Variants in PCSK5 observed in about 807,000 individuals in gnomAD.
The protein encoded by PCSK5 is proprotein convertase subtilisin/kexin type 5, also known as prohormone convertase 5.
Under a neutral mutation model 233.2 loss-of-function variants are expected in PCSK5, and 129 were observed. The ratio of observed to expected loss-of-function variants is 0.55; its 90% CI spans 0.48 to 0.64. The LOEUF (loss-of-function observed/expected upper bound fraction) is 0.64, where lower values mean the gene tolerates loss of function less well. PCSK5 is among the 30% of genes least tolerant of loss of function. The probability of loss-of-function intolerance (pLI) is 0.00; values close to 1 mark genes in which losing one functional copy is unlikely to be tolerated. For missense variants in PCSK5, 2,076 were observed against 2,430.1 expected, an observed-to-expected ratio of 0.85 and a Z score of 3.06; for synonymous variants, 825 against 879.2, an observed-to-expected ratio of 0.94 and a Z score of 1.09.
intron 1 of PCSK5, among the ~76,000 whole-genome samples, chr9:75,929,800 G>C (rs1179306963): frequency 6.6e-6 from 1 of 151,848 alleles, no homozygotes; most frequent in Non-Finnish European, 1.5e-5. Flanking sequence ...CATGACAGCA[G>C]ACAAGAGAAG....
At chr9:76,064,651 A>T (rs1176080880) in intron 5 of PCSK5, among the ~76,000 whole-genome samples, 1 of 144,338 alleles carries the variant, frequency 6.9e-6, no homozygotes, top group Non-Finnish European at 1.5e-5. Context: ...CTCACTTCTC[A>T]GACGGGGTGG....
chr9:76,220,856 C>G (rs1021603214), intron 20 of PCSK5, among the ~76,000 whole-genome samples: 3 of 152,080 alleles, frequency 2.0e-5, no homozygotes, highest in Non-Finnish European at 4.4e-5. Flanking sequence ...ATAAATCTCT[C>G]GAACTTATCC....
intron 9 of PCSK5, among the ~76,000 whole-genome samples, chr9:76,123,432 A>G (rs1366745529): frequency 6.6e-6 from 1 of 152,216 alleles, no homozygotes; most frequent in African/African-American, 2.4e-5. Flanking sequence ...GTTTTGTAAT[A>G]GAAGAGTTAT....
intron 30 of PCSK5, among the ~76,000 whole-genome samples, chr9:76,312,123 G>C (rs1158923352): frequency 6.6e-6 from 1 of 152,172 alleles, no homozygotes; most frequent in African/African-American, 2.4e-5. Flanking sequence ...AGAGAGGGAG[G>C]CAGGAAATAA....
chr9:76,168,142 C>T (rs1176699625), intron 12 of PCSK5, among the ~76,000 whole-genome samples: 2 of 152,070 alleles, frequency 1.3e-5, no homozygotes, highest in Non-Finnish European at 2.9e-5. Context: ...ATGCTATATA[C>T]CTGCATAAGT....
At chr9:76,177,964 A>C (rs1242848030) in intron 14 of PCSK5, among the ~76,000 whole-genome samples, 1 of 146,998 alleles carries the variant, frequency 6.8e-6, no homozygotes, top group Non-Finnish European at 1.5e-5. Flanking sequence ...TTTTTTTTTT[A>C]ATTCTAGAAG....
intron 24 of PCSK5, among the ~76,000 whole-genome samples, chr9:76,248,780 C>A (rs140743847): frequency 1.3e-3 from 197 of 152,182 alleles, no homozygotes; most frequent in Non-Finnish European, 2.0e-3. Flanking sequence ...ACCTCATATT[C>A]TTTTTGTTTT....
At chr9:76,162,429 T>G (rs1427043083) in intron 12 of PCSK5, among the ~76,000 whole-genome samples, 2 of 152,046 alleles carry the variant, frequency 1.3e-5, no homozygotes, top group African/African-American at 4.8e-5. Flanking sequence ...ATTCCCAGAA[T>G]GGAGAGCTGG....
intron 24 of PCSK5, among the ~76,000 whole-genome samples, chr9:76,247,020 A>G (rs1320196972): frequency 6.6e-6 from 1 of 152,222 alleles, no homozygotes; most frequent in Non-Finnish European, 1.5e-5. Context: ...CTCTATTAGA[A>G]GCTGTGGGTC....
intron 20 of PCSK5, among the ~76,000 whole-genome samples, chr9:76,207,752 G>A (rs1297279785): frequency 6.6e-6 from 1 of 152,184 alleles, no homozygotes; most frequent in Admixed American, 6.5e-5. Context: ...GATAGAGCTG[G>A]AGATAGGAGG....
intron 2 of PCSK5, among the ~76,000 whole-genome samples, chr9:75,962,697 T>C (rs1330582314): frequency 2.6e-5 from 4 of 152,220 alleles, no homozygotes; most frequent in African/African-American, 9.6e-5. Context: ...CCAGCATTTG[T>C]GATGGGCACA....
intron 13 of PCSK5, among the ~76,000 whole-genome samples, chr9:76,174,371 A>C (rs1823477644): frequency 6.6e-6 from 1 of 150,594 alleles, no homozygotes; most frequent in Non-Finnish European, 1.5e-5. Context: ...CAGTGGCGTG[A>C]TCTCCGCTCT....
chr9:76,270,151 C>A (rs779901999), intron 24 of PCSK5, among the ~76,000 whole-genome samples: 2 of 151,810 alleles, frequency 1.3e-5, no homozygotes, highest in Non-Finnish European at 2.9e-5. Flanking sequence ...ACCAGCAATT[C>A]GGGCAAAAAT....
At chr9:76,012,099 A>G (rs1204802092) in intron 3 of PCSK5, among the ~76,000 whole-genome samples, 1 of 152,214 alleles carries the variant, frequency 6.6e-6, no homozygotes, top group African/African-American at 2.4e-5. Context: ...GGCATTGAAT[A>G]AGCACGGTTG....
chr9:76,037,284 G>A (rs1295766419), intron 5 of PCSK5, among the ~76,000 whole-genome samples: 1 of 152,196 alleles, frequency 6.6e-6, no homozygotes, highest in Non-Finnish European at 1.5e-5. Context: ...GTCTGTTGGA[G>A]AATGTCTCAG....
intron 2 of PCSK5, among the ~76,000 whole-genome samples, chr9:75,983,279 T>A (rs1011688389): frequency 1.3e-5 from 2 of 152,216 alleles, no homozygotes; most frequent in African/African-American, 4.8e-5. Flanking sequence ...ATAATTTATA[T>A]GCATATGGTC....
chr9:76,313,919 T>G (rs1828942021), intron 30 of PCSK5, among the ~76,000 whole-genome samples: 1 of 152,046 alleles, frequency 6.6e-6, no homozygotes, highest in African/African-American at 2.4e-5. Context: ...TCAACCGAGC[T>G]CCACCCCAGC....
At chr9:76,156,955 C>T in intron 10 of PCSK5, 90 bp from the exon 11 acceptor site, 1 of 803,548 alleles carries the variant, frequency 1.2e-6, no homozygotes, top group Non-Finnish European at 2.2e-6. Flanking sequence ...GCTAGGATCC[C>T]ATAGGGTGGT....
rs572698142 is a variant in PCSK5 at position 75,988,242 on chromosome 9, A to G, written c.411+1997A>G. ...AACATTTATTGAGCACTTACTATGC[A>G]CCAGGCAATGTGCTAATACTTTATG... On this transcript the variant is annotated intron_variant, in intron 3 of 37. Coordinates refer to ENST00000674117, the MANE Select transcript of PCSK5 (RefSeq NM_001372043.1). 3.8e-4 allele frequency among the ~76,000 whole-genome samples: 58 copies of G among 152,160 alleles called. 1 individual carries two copies. Among genetic ancestry groups the G allele is most frequent in the African/African-American group, 1.2e-3 (50 of 41,536 alleles).
Sources: allele counts gnomAD v4.1 joint callset (sites outside exome capture counted in the v4.1 genomes callset), GRCh38; gene constraint gnomAD v4.1.1; transcripts MANE v1.5; gene names NCBI Gene and HGNC (gene_info 2026-07-23, HGNC 2026-07-21).